The following ZDHHC11B variants were observed in gnomAD, a reference collection of about 807,000 sequenced individuals.
ZDHHC11B encodes the protein zDHHC palmitoyltransferase 11B (putative), also known as probable palmitoyltransferase ZDHHC11B.
A neutral mutation model predicts 42.3 loss-of-function variants in ZDHHC11B; 17 were observed. The ratio of observed to expected loss-of-function variants is 0.40; its 90% confidence interval spans 0.27 to 0.60. The LOEUF is 0.60. Ranked by LOEUF, ZDHHC11B falls within the 20% of genes least tolerant of loss-of-function variation. The pLI, the probability that ZDHHC11B is intolerant of heterozygous loss-of-function variation, is 0.41. For synonymous variants in ZDHHC11B, 123 were observed against 193.5 expected (o/e 0.64, Z 3.02); for missense variants, 262 against 463.2 (o/e 0.57, Z 3.99).
At chr5:778,057 G>A (rs867481233) in intron 1 of ZDHHC11B, among the ~76,000 whole-genome samples, 32 of 151,954 alleles carry the variant, frequency 2.1e-4, no homozygotes, top group Middle Eastern at 3.2e-3. Context: ...CGCAGCCACC[G>A]TAGGACAGAG....
At chr5:737,364 T>G (rs1386185315) in intron 10 of ZDHHC11B, among the ~76,000 whole-genome samples, 1 of 149,286 alleles carries the variant, frequency 6.7e-6, no homozygotes, top group African/African-American at 2.5e-5. Flanking sequence ...CACAGCTGAA[T>G]TCTACCAGGC....
At chr5:725,102 T>C (rs1192154710) in intron 12 of ZDHHC11B, among the ~76,000 whole-genome samples, 2 of 151,332 alleles carry the variant, frequency 1.3e-5, no homozygotes, top group Non-Finnish European at 2.9e-5. Flanking sequence ...AGCTCCCGAA[T>C]GTGGGACCCG....
rs185069812 is a variant in ZDHHC11B, at chr5:771,242, G to A, written c.-229-2312C>T. Among the ~76,000 whole-genome samples the A allele has an allele frequency of 3.4e-3, 520 of 151,794 alleles. 4 individuals are homozygous for A. Among genetic ancestry groups the A allele is most frequent in the Non-Finnish European group, 5.0e-3 (339 of 67,812 alleles). Reference sequence around the variant, plus strand: ...AAAGTGTGGCTCTGTCATCGTGGGGGTCCTGAGTGTGGCCCCTGCTGAACT... The same window carrying A: ...AAAGTGTGGCTCTGTCATCGTGGGGATCCTGAGTGTGGCCCCTGCTGAACT... On this transcript the variant is annotated intron_variant, in intron 1 of 13. Transcript: ENST00000508859.
intron 1 of ZDHHC11B, among the ~76,000 whole-genome samples, chr5:777,572 C>T (rs1198247248): frequency 6.6e-6 from 1 of 151,946 alleles, no homozygotes; most frequent in Non-Finnish European, 1.5e-5. Context: ...TTCCGGCTAC[C>T]CGCTTTTATT....
intron 13 of ZDHHC11B, among the ~76,000 whole-genome samples, chr5:712,491 C>T (rs1741444926): frequency 7.5e-6 from 1 of 132,540 alleles, no homozygotes; most frequent in Non-Finnish European, 1.6e-5. Context: ...GGCTCCTGCC[C>T]TCCCCATCCT....
intron 12 of ZDHHC11B, among the ~76,000 whole-genome samples, chr5:724,370 A>ATTTTTT: frequency 1.2e-5 from 1 of 83,178 alleles, no homozygotes. Flanking sequence ...AAACCCAGCT[A>ATTTTTT]ATTTTTTTTT....
chr5:783,773 G>C (rs867605359), intron 1 of ZDHHC11B, among the ~76,000 whole-genome samples: 1 of 62,480 alleles, frequency 1.6e-5, no homozygotes, highest in African/African-American at 5.5e-5. Context: ...CATCAAAACA[G>C]CAGCCCCCAA....
rs555248361 is a variant in ZDHHC11B at position 725,980 on chromosome 5, G to A, written c.1058+4454C>T. 1.1e-4 allele frequency among the ~76,000 whole-genome samples: 16 copies of A among 150,178 alleles called. No individual in the cohort carries two copies. The South Asian group carries it at 1.3e-3, about 12-fold the overall frequency. On this transcript the variant is annotated intron_variant, in intron 12 of 13. Transcript: ENST00000508859. Reference sequence around the variant, plus strand: ...ATTAATACAAGCCACTGAATGAGGCGCTGGGGATTAGGGTCTTCACACGCG... The same window carrying A: ...ATTAATACAAGCCACTGAATGAGGCACTGGGGATTAGGGTCTTCACACGCG...
intron 4 of ZDHHC11B, among the ~76,000 whole-genome samples, chr5:765,642 C>G (rs890127342): frequency 6.6e-6 from 1 of 151,880 alleles, no homozygotes; most frequent in Non-Finnish European, 1.5e-5. Context: ...TGTTCTTTTG[C>G]TCTTTGCAAT....
intron 4 of ZDHHC11B, among the ~76,000 whole-genome samples, chr5:758,031 G>C (rs1734094674): frequency 6.6e-6 from 1 of 151,790 alleles, no homozygotes; most frequent in South Asian, 2.1e-4. Context: ...CGGGCACAGG[G>C]CTCACTGTCC....
In ZDHHC11B at chr5:722,405, G is replaced by A. The variant is rs545383990; in HGVS notation, c.1059-5540C>T. 1.3e-3 allele frequency among the ~76,000 whole-genome samples: 198 copies of A among 151,614 alleles called. 8 individuals carry two copies. Among genetic ancestry groups the A allele is most frequent in the African/African-American group, 4.6e-3 (191 of 41,158 alleles). On this transcript the variant is annotated intron_variant, in intron 12 of 13. Coordinates refer to ENST00000508859, the MANE Select transcript of ZDHHC11B (RefSeq NM_001351303.2). ...AAAAATGGACTAGGGACATGAGCAA[G>A]TGCTTCATGGAAGAGAAAACTCGTA...
At chr5:784,520 A>G (rs867350394) in intron 1 of ZDHHC11B, among the ~76,000 whole-genome samples, 148 bp downstream of exon 1, 6 of 152,364 alleles carry the variant, frequency 3.9e-5, no homozygotes, top group Middle Eastern at 3.4e-3. Flanking sequence ...GGGCTCAGGG[A>G]CGCGCAGGGC....
intron 12 of ZDHHC11B, among the ~76,000 whole-genome samples, chr5:729,209 G>A (rs1480148372): frequency 6.6e-6 from 1 of 151,044 alleles, no homozygotes; most frequent in Non-Finnish European, 1.5e-5. Flanking sequence ...CCCAGCACGA[G>A]CAGCCTCCCT....
At chr5:724,680 C>CACACAG (rs1214193170) in intron 12 of ZDHHC11B, among the ~76,000 whole-genome samples, 4 of 150,510 alleles carry the variant, frequency 2.7e-5, no homozygotes, top group Non-Finnish European at 5.9e-5. Flanking sequence ...CACACACACA[C>CACACAG]ACACACACAG....
At chr5:758,156 G>A (rs531519201) in intron 4 of ZDHHC11B, among the ~76,000 whole-genome samples, 41 of 151,990 alleles carry the variant, frequency 2.7e-4, no homozygotes, top group African/African-American at 9.6e-4. Context: ...GGGGCAACAG[G>A]GAGCTCGTCT....
At chr5:762,195 GGCCACTCACAGTCCCGGCCA>G (rs1281168063) in intron 4 of ZDHHC11B, among the ~76,000 whole-genome samples, 3 of 58,740 alleles carry the variant, frequency 5.1e-5, no homozygotes, top group Admixed American at 1.6e-4. Flanking sequence ...AGTCCCAGCC[GGCCACTCACAGTCCCGGCCA>G]GCCACTCACA....
intron 1 of ZDHHC11B, among the ~76,000 whole-genome samples, chr5:776,525 C>T (rs1216925698): frequency 6.6e-6 from 1 of 151,982 alleles, no homozygotes; most frequent in Non-Finnish European, 1.5e-5. Flanking sequence ...TGGGCCCACG[C>T]AGTGTGCTCC....
chr5:730,749 G>C (rs1216291668), intron 11 of ZDHHC11B, among the ~76,000 whole-genome samples: 1 of 151,638 alleles, frequency 6.6e-6, no homozygotes, highest in Admixed American at 6.6e-5. Flanking sequence ...TCTTGAAAGA[G>C]GTAATGGATG....
chr5:733,519 G>A (rs963220674), intron 11 of ZDHHC11B, among the ~76,000 whole-genome samples: 6 of 151,542 alleles, frequency 4.0e-5, no homozygotes, highest in African/African-American at 1.5e-4. Flanking sequence ...AGTGCTGGGG[G>A]CTCCCACTTT....
Sources: gnomAD v4.1 joint callset for allele counts (sites outside exome capture counted in the v4.1 genomes callset) on GRCh38, gnomAD v4.1.1 for gene constraint, MANE v1.5 for transcripts, NCBI Gene and HGNC (gene_info 2026-07-23, HGNC 2026-07-21) for gene names.